The following ALDH1L1 variants were observed in gnomAD, a reference collection of about 807,000 sequenced individuals.
ALDH1L1 encodes the protein aldehyde dehydrogenase 1 family member L1.
Under a neutral mutation model 101.1 loss-of-function variants are expected in ALDH1L1, and 68 were observed. The ratio of observed to expected loss-of-function variants is 0.67; its 90% CI spans 0.55 to 0.82. The LOEUF is 0.82. Ranked by LOEUF, ALDH1L1 falls within the 40% of genes least tolerant of loss-of-function variation. ALDH1L1 has a pLI of 0.00. For missense variants in ALDH1L1, 1,087 were observed against 1,172.7 expected (o/e 0.93, Z 1.07); for synonymous variants, 486 against 470.8 (o/e 1.03, Z -0.42).
intron 1 of ALDH1L1, among the ~76,000 whole-genome samples, chr3:126,177,842 G>A (rs1438840941): frequency 6.7e-6 from 1 of 150,154 alleles, no homozygotes; most frequent in Non-Finnish European, 1.5e-5. Context: ...GAGTTCAAAA[G>A]CAGCCTGGCT....
chr3:126,182,871 T>G (rs2081488909), upstream of ALDH1L1, among the ~76,000 whole-genome samples: 2 of 152,134 alleles, frequency 1.3e-5, no homozygotes. Flanking sequence ...TTAAGGAGAT[T>G]GTTGAAGGTG....
At chr3:126,155,670 C>T in intron 4 of ALDH1L1, 167 bp from the exon 5 acceptor site, 1 of 552,724 alleles carries the variant, frequency 1.8e-6, no homozygotes, top group East Asian at 3.2e-5. Flanking sequence ...TCAGCGTGAA[C>T]CTAACTTCTA....
chr3:126,185,777 AC>A (rs746371145), upstream of ALDH1L1, among the ~76,000 whole-genome samples: 71 of 152,210 alleles, frequency 4.7e-4, no homozygotes, highest in Non-Finnish European at 6.2e-4. Flanking sequence ...CATTCCAGTA[AC>A]TGATATTAGA....
upstream of ALDH1L1, among the ~76,000 whole-genome samples, chr3:126,183,998 C>T (rs919727664): frequency 6.6e-6 from 1 of 152,164 alleles, no homozygotes; most frequent in African/African-American, 2.4e-5. Context: ...TGATGCTCTT[C>T]CATTCAAGGA....
At chr3:126,134,560 C>T (rs1229499883) in intron 12 of ALDH1L1, among the ~76,000 whole-genome samples, 6 of 152,208 alleles carry the variant, frequency 3.9e-5, no homozygotes, top group African/African-American at 1.4e-4. Flanking sequence ...GCATGCCCGA[C>T]CCCCACAGCC....
chr3:126,111,794 C>T (rs1191956970), intron 19 of ALDH1L1, among the ~76,000 whole-genome samples: 2 of 152,216 alleles, frequency 1.3e-5, no homozygotes, highest in Non-Finnish European at 2.9e-5. Context: ...TGCCACTATC[C>T]ACTGGGATTA....
At chr3:126,193,580 C>G (rs965432031) in intron 1 of ALDH1L1, among the ~76,000 whole-genome samples, 1 of 152,178 alleles carries the variant, frequency 6.6e-6, no homozygotes, top group African/African-American at 2.4e-5. Flanking sequence ...CTTACAGTGT[C>G]CTCATGGTCC....
chr3:126,187,883 G>A (rs1407236320), intron 1 of ALDH1L1, among the ~76,000 whole-genome samples: 4 of 125,864 alleles, frequency 3.2e-5, no homozygotes, highest in South Asian at 2.6e-4. Flanking sequence ...GGGTGACAAC[G>A]GCTCTGTCAA....
At chr3:126,178,258 G>C (rs181412345) in intron 1 of ALDH1L1, among the ~76,000 whole-genome samples, 70 of 151,712 alleles carry the variant, frequency 4.6e-4, no homozygotes, top group South Asian at 1.0e-3. Flanking sequence ...GTGCATGCCT[G>C]TAGTCCCAGC....
At chr3:126,144,373 T>C (rs1340184066) in intron 9 of ALDH1L1, among the ~76,000 whole-genome samples, 1 of 152,228 alleles carries the variant, frequency 6.6e-6, no homozygotes, top group Non-Finnish European at 1.5e-5. Flanking sequence ...TAAAATCATA[T>C]GGACTATCAA....
intron 1 of ALDH1L1, among the ~76,000 whole-genome samples, chr3:126,162,658 A>G (rs769842550): frequency 1.1e-4 from 17 of 152,166 alleles, no homozygotes; most frequent in Non-Finnish European, 2.1e-4. Flanking sequence ...TCATCCTCGT[A>G]TAATGTCTTT....
At chr3:126,126,909 G>C (rs1261782939) in intron 14 of ALDH1L1, among the ~76,000 whole-genome samples, 2 of 152,196 alleles carry the variant, frequency 1.3e-5, no homozygotes, top group African/African-American at 4.8e-5. Flanking sequence ...ACCACATGGA[G>C]AGACAGACTC....
At chr3:126,162,150 A>G (rs1285830766) in intron 1 of ALDH1L1, among the ~76,000 whole-genome samples, 4 of 152,204 alleles carry the variant, frequency 2.6e-5, no homozygotes, top group South Asian at 2.1e-4. Flanking sequence ...GTTTAAAGGT[A>G]TTACAAATAG....
intron 22 of ALDH1L1, chr3:126,105,413 T>C (rs4646756): frequency 0.59 from 232,250 of 392,996 alleles, 69,991 homozygotes; most frequent in African/African-American, 0.73. Flanking sequence ...TGGGTCTTCA[T>C]GGCCAACTCC....
chr3:126,157,251 T>A, intron 4 of ALDH1L1, 92 bp downstream of exon 4: 1 of 1,446,308 alleles, frequency 6.9e-7, no homozygotes, highest in Non-Finnish European at 9.2e-7. Context: ...GGGGAACAGA[T>A]TCCTGGCCTC....
At chr3:126,162,773 C>G (rs7650178) in intron 1 of ALDH1L1, among the ~76,000 whole-genome samples, 10,970 of 152,216 alleles carry the variant, frequency 0.072, 1,283 homozygotes, top group African/African-American at 0.25. Context: ...CCTACTCCAA[C>G]TTCATGAAGA....
intron 12 of ALDH1L1, among the ~76,000 whole-genome samples, chr3:126,132,004 A>G (rs4646729): frequency 0.64 from 96,658 of 152,214 alleles, 30,794 homozygotes; most frequent in Middle Eastern, 0.7. Context: ...ATCTCCAGAG[A>G]TGGAGAGGTG....
chr3:126,178,516 C>G lies in ALDH1L1; in HGVS notation c.-24+1960G>C, dbSNP rs1466206079. Among the ~76,000 whole-genome samples the G allele has an allele frequency of 3.3e-5, 5 of 151,420 alleles. No individual in the cohort carries two copies. The East Asian group carries it at 9.7e-4, about 29-fold the overall frequency. ...CCTCAATTCTTCTGTAAACCTAAAA[C>G]TGCTCTAAAAATGTCTACTAATTGA... is the stretch of plus-strand genomic sequence containing the variant. On this transcript the variant is annotated intron_variant, in intron 1 of 22. Coordinates refer to ENST00000393434, the MANE Select transcript of ALDH1L1 (RefSeq NM_012190.4).
intron 17 of ALDH1L1, chr3:126,115,464 G>A (rs565284913): frequency 1.4e-4 from 23 of 166,644 alleles, no homozygotes; most frequent in Non-Finnish European, 2.2e-4. Flanking sequence ...GCAGGAAGCT[G>A]CTCAGAGCTC....
Sources: gnomAD v4.1 joint callset for allele counts (sites outside exome capture counted in the v4.1 genomes callset) on GRCh38, gnomAD v4.1.1 for gene constraint, MANE v1.5 for transcripts, NCBI Gene and HGNC (gene_info 2026-07-23, HGNC 2026-07-21) for gene names.